The following CNTN4 variants were observed in gnomAD, a reference collection of about 807,000 sequenced individuals.
The protein encoded by CNTN4 is contactin-4.
Under a neutral mutation model 122.5 loss-of-function variants are expected in CNTN4, and 77 were observed. That is an observed-to-expected ratio of 0.63 (90% CI 0.52 to 0.76). CNTN4 has a LOEUF of 0.76. Among genes scored for constraint, CNTN4 ranks in the 30% least tolerant of loss-of-function variants. The pLI is 0.00. For synonymous variants in CNTN4, 512 were observed against 447.0 expected (o/e 1.15, Z -1.83); for missense variants, 1,256 against 1,259.1 (o/e 1.00, Z 0.04).
At chr3:2,885,858 T>C (rs1440261047) in intron 9 of CNTN4, among the ~76,000 whole-genome samples, 1 of 152,138 alleles carries the variant, frequency 6.6e-6, no homozygotes, top group African/African-American at 2.4e-5. Flanking sequence ...TGGTATTTTG[T>C]TGGGGACGTT....
intron 3 of CNTN4, among the ~76,000 whole-genome samples, chr3:2,360,632 A>G (rs1269819240): frequency 1.3e-5 from 2 of 152,166 alleles, no homozygotes; most frequent in Non-Finnish European, 2.9e-5. Flanking sequence ...AAAATCATGC[A>G]GGTAGGCTAA....
rs116688220 is a variant in CNTN4 at position 2,539,069 on chromosome 3, A to C, written c.-88-32347A>C. Among the ~76,000 whole-genome samples the C allele has an allele frequency of 2.5e-3, 381 of 152,136 alleles. 4 individuals are homozygous for C. Among genetic ancestry groups the C allele is most frequent in the Non-Finnish European group, 4.9e-3 (332 of 67,936 alleles). On this transcript the variant is annotated intron_variant, in intron 3 of 24. Coordinates refer to ENST00000418658, the MANE Select transcript of CNTN4 (RefSeq NM_175607.3). ...TTGGAATTTGTGCTGTAGAACCTAT[A>C]ACTATCCTAACCATAAGAAGGATAG...
chr3:2,502,272 A>G (rs2076615341), intron 3 of CNTN4, among the ~76,000 whole-genome samples: 1 of 152,126 alleles, frequency 6.6e-6, no homozygotes, highest in African/African-American at 2.4e-5. Flanking sequence ...TTCATGTGCT[A>G]AGGGTGGAGT....
At chr3:2,241,763 A>T (rs2039951911) in intron 2 of CNTN4, among the ~76,000 whole-genome samples, 1 of 152,182 alleles carries the variant, frequency 6.6e-6, no homozygotes, top group Non-Finnish European at 1.5e-5. Flanking sequence ...ATGCTCTTCT[A>T]AGCAATCCAG....
At chr3:2,192,540 G>A (rs775289830) in intron 2 of CNTN4, among the ~76,000 whole-genome samples, 5 of 152,100 alleles carry the variant, frequency 3.3e-5, no homozygotes, top group Non-Finnish European at 5.9e-5. Flanking sequence ...CTACTCATCT[G>A]ACAAAGGGCT....
Position 3,043,575 on chromosome 3 carries a change from T to C in CNTN4, c.2699-17T>C. 1 of 1,556,476 alleles carries C rather than the reference T, an allele frequency of 6.4e-7. No homozygotes were observed. Among genetic ancestry groups the C allele is most frequent in the East Asian group, 2.2e-5 (1 of 44,586 alleles). On this transcript the variant is annotated splice_polypyrimidine_tract_variant and intron_variant, in intron 22 of 24. Transcript: ENST00000418658. ...ACTTAATAATCTGTGACTTCGTATA[T>C]CTTAATTTTTTTATAGCACCAAGTC... is the stretch of plus-strand genomic sequence containing the variant.
intron 4 of CNTN4, among the ~76,000 whole-genome samples, chr3:2,578,358 C>T (rs908142487): frequency 2.6e-5 from 4 of 152,114 alleles, no homozygotes; most frequent in African/African-American, 9.7e-5. Flanking sequence ...ATTTTTCTAT[C>T]TACTCAGAAT....
intron 4 of CNTN4, among the ~76,000 whole-genome samples, chr3:2,728,390 C>G (rs1010138189): frequency 1.3e-5 from 2 of 152,184 alleles, no homozygotes; most frequent in African/African-American, 4.8e-5. Context: ...GTGTGCCCTT[C>G]TTGGAACATG....
At chr3:2,938,571 C>T (rs1181000220) in intron 13 of CNTN4, among the ~76,000 whole-genome samples, 1 of 152,196 alleles carries the variant, frequency 6.6e-6, no homozygotes, top group Non-Finnish European at 1.5e-5. Context: ...GAGGAAGGAA[C>T]AAGCACTAGA....
At chr3:2,576,151 A>G (rs971126705) in intron 4 of CNTN4, among the ~76,000 whole-genome samples, 2 of 152,050 alleles carry the variant, frequency 1.3e-5, no homozygotes, top group African/African-American at 4.8e-5. Context: ...TTCTTTTTAT[A>G]CAAAATAACT....
intron 13 of CNTN4, among the ~76,000 whole-genome samples, chr3:2,943,952 C>T (rs1181783722): frequency 3.9e-5 from 6 of 152,006 alleles, no homozygotes; most frequent in Admixed American, 3.9e-4. Context: ...GGAACAGATA[C>T]CCATATGATG....
At chr3:2,418,968 G>A (rs1304281513) in intron 3 of CNTN4, among the ~76,000 whole-genome samples, 1 of 152,140 alleles carries the variant, frequency 6.6e-6, no homozygotes, top group Non-Finnish European at 1.5e-5. Flanking sequence ...GGGCACTGAT[G>A]CCCAAAAAGA....
intron 2 of CNTN4, among the ~76,000 whole-genome samples, chr3:2,141,006 T>C (rs559530133): frequency 1.3e-5 from 2 of 152,326 alleles, no homozygotes; most frequent in East Asian, 3.9e-4. Context: ...AAGTTACAGG[T>C]TATGTGAAAC....
chr3:2,858,095 C>T (rs1021563154), intron 7 of CNTN4, among the ~76,000 whole-genome samples: 1 of 152,174 alleles, frequency 6.6e-6, no homozygotes, highest in Admixed American at 6.5e-5. Flanking sequence ...GCCTGTTCCT[C>T]AGTGGAAAGC....
At chr3:2,742,837 A>G (rs896018169) in intron 5 of CNTN4, among the ~76,000 whole-genome samples, 1 of 152,336 alleles carries the variant, frequency 6.6e-6, no homozygotes, top group African/African-American at 2.4e-5. Flanking sequence ...GTGTTTCAGT[A>G]TACAGTGAGA....
In CNTN4 at chr3:2,805,754, C is replaced by T. The variant is rs902205543; in HGVS notation, c.359-13732C>T. On this transcript the variant is annotated intron_variant, in intron 6 of 24. Transcript: ENST00000418658. ...GGAGAAATTGGCCAGGTTTTTATCC[C>T]GGAAGCTAAACTGAAAACTCAAGTC... 1.8e-4 allele frequency among the ~76,000 whole-genome samples: 28 copies of T among 152,066 alleles called. 1 individual carries two copies. The highest frequency in any genetic ancestry group is 5.8e-4 in the African/African-American group (24 of 41,378).
At chr3:2,192,966 G>C (rs1170301693) in intron 2 of CNTN4, among the ~76,000 whole-genome samples, 1 of 152,148 alleles carries the variant, frequency 6.6e-6, no homozygotes, top group African/African-American at 2.4e-5. Flanking sequence ...TCACTATTAA[G>C]ATGACAACTG....
chr3:2,775,696 C>G (rs2091288707), intron 6 of CNTN4, among the ~76,000 whole-genome samples: 1 of 152,178 alleles, frequency 6.6e-6, no homozygotes, highest in African/African-American at 2.4e-5. Flanking sequence ...GCTGAGATGA[C>G]AGATGTGAGC....
At chr3:2,344,079 T>TC (rs962762910) in intron 3 of CNTN4, among the ~76,000 whole-genome samples, 1 of 151,788 alleles carries the variant, frequency 6.6e-6, no homozygotes, top group Non-Finnish European at 1.5e-5. Flanking sequence ...TGAACAGTCT[T>TC]CCCCCCATGG....
Sources: gnomAD v4.1 joint callset for allele counts (sites outside exome capture counted in the v4.1 genomes callset) on GRCh38, gnomAD v4.1.1 for gene constraint, MANE v1.5 for transcripts, NCBI Gene and HGNC (gene_info 2026-07-23, HGNC 2026-07-21) for gene names.